Variants in EIF3B observed in about 807,000 individuals in gnomAD.
EIF3B encodes eukaryotic translation initiation factor 3 subunit B, also known as eukaryotic translation initiation factor 3 subunit 9.
Under a neutral mutation model 104.6 loss-of-function variants are expected in EIF3B, and 10 were observed. The observed-to-expected ratio is 0.10, with a 90% confidence interval of 0.06 to 0.16. The LOEUF (loss-of-function observed/expected upper bound fraction) is 0.16. Ranked by LOEUF, EIF3B falls within the 10% of genes least tolerant of loss-of-function variation. The pLI is 1.00. For synonymous variants in EIF3B, 542 were observed against 417.2 expected (o/e 1.30, Z -3.65); for missense variants, 1,014 against 1,087.9 (o/e 0.93, Z 0.96).
At chr7:2,367,824 AATTTTTT>A (rs1780110544) in intron 9 of EIF3B, among the ~76,000 whole-genome samples, 4 of 101,724 alleles carry the variant, frequency 3.9e-5, no homozygotes, top group African/African-American at 1.6e-4. Flanking sequence ...CTTTTTTTAA[AATTTTTT>A]TTTTTTTTTT....
Position 2,379,211 on chromosome 7 carries a change from G to A in EIF3B, c.2310G>A (p.Glu770=). 1 of 1,613,536 alleles carries A rather than the reference G, an allele frequency of 6.2e-7. No individual in the cohort carries two copies. Residue 770 remains glutamate, a synonymous_variant, in exon 17 of 19, where the codon GAG becomes GAA. Coordinates refer to ENST00000360876, the MANE Select transcript of EIF3B (RefSeq NM_001037283.2). ...AAATGGCCCAGGAGCTCTATATGGAGCAGAAAAACGAGCGCCTGGAGTTGC... is the reference window on the plus strand; with the variant it reads ...AAATGGCCCAGGAGCTCTATATGGAACAGAAAAACGAGCGCCTGGAGTTGC... The part of the protein sequence containing the change: ...YRKMAQELYM[E]QKNERLELRG...
intron 3 of EIF3B, 81 bp downstream of exon 3, chr7:2,362,845 G>T: frequency 1.5e-5 from 23 of 1,585,068 alleles, no homozygotes; most frequent in Non-Finnish European, 1.9e-5. Context: ...GTGCTTCTCG[G>T]TGCTGGTGTC....
intron 9 of EIF3B, among the ~76,000 whole-genome samples, 178 bp from the exon 10 acceptor site, chr7:2,369,294 G>A (rs1490317058): frequency 6.6e-6 from 1 of 152,202 alleles, no homozygotes; most frequent in Non-Finnish European, 1.5e-5. Context: ...GGGTCCTGGC[G>A]AGGACCTATG....
chr7:2,358,166 C>T (rs1325817539), intron 1 of EIF3B, among the ~76,000 whole-genome samples: 1 of 152,148 alleles, frequency 6.6e-6, no homozygotes, highest in Non-Finnish European at 1.5e-5. Flanking sequence ...TCACCGCAGC[C>T]TCTGCCTCCC....
chr7:2,365,988 A>AT (rs533793857), intron 6 of EIF3B, among the ~76,000 whole-genome samples: 46 of 152,100 alleles, frequency 3.0e-4, no homozygotes, highest in Middle Eastern at 3.4e-3. Flanking sequence ...GCCCAGCCGT[A>AT]TTTTTTTAAC....
At chr7:2,379,077 C>A in intron 16 of EIF3B, 57 bp from the exon 17 acceptor site, 1 of 1,501,690 alleles carries the variant, frequency 6.7e-7, no homozygotes, top group Non-Finnish European at 9.2e-7. Context: ...GTGGGCTCTT[C>A]GCGATGGGGA....
At chr7:2,363,569 AGTT>A in intron 4 of EIF3B, 60 bp from the exon 5 acceptor site, 2 of 1,451,088 alleles carry the variant, frequency 1.4e-6, no homozygotes, top group South Asian at 2.5e-5. Flanking sequence ...TAAGAGCAAT[AGTT>A]GTGAATGAGT....
intron 1 of EIF3B, 90 bp from the exon 2 acceptor site, chr7:2,360,603 TTTAGACAATTCATTGTC>T: frequency 1.1e-6 from 1 of 913,598 alleles, no homozygotes; most frequent in South Asian, 1.9e-5. Context: ...AGTGAAAGCA[TTTAGACAATTCATTGTC>T]TCTTCTTGAA....
intron 1 of EIF3B, among the ~76,000 whole-genome samples, chr7:2,356,600 C>A (rs1320387979): frequency 8.6e-6 from 1 of 116,408 alleles, no homozygotes; most frequent in African/African-American, 3.5e-5. Flanking sequence ...AAGACTCCGT[C>A]TCAAAAAAAA....
chr7:2,354,756 T>G, upstream of EIF3B: 16 of 521,290 alleles, frequency 3.1e-5, no homozygotes, highest in Non-Finnish European at 3.8e-5. Flanking sequence ...CTCAGGGTCG[T>G]TCGTGAGGCC....
chr7:2,361,692 T>C (rs747538107), intron 2 of EIF3B, among the ~76,000 whole-genome samples: 2 of 152,160 alleles, frequency 1.3e-5, no homozygotes, highest in Non-Finnish European at 2.9e-5. Flanking sequence ...GTGCTGGGAT[T>C]ACAGGCCTGA....
intron 13 of EIF3B, chr7:2,374,815 C>T (rs1444047262): frequency 2.4e-5 from 11 of 456,352 alleles, no homozygotes; most frequent in Non-Finnish European, 3.5e-5. Context: ...GTGAAATAAG[C>T]GCTCCCAGAT....
At position 2,378,422 on chromosome 7, in the gene EIF3B, G is replaced by A. The variant is rs1269188824; in HGVS notation, c.2155-267G>A. 8.1e-5 allele frequency: 23 copies of A among 283,452 alleles called. No homozygotes were observed. The East Asian group carries it at 1.5e-3, about 18-fold the overall frequency. 17.6% of individuals were successfully genotyped at this position (283,452 alleles called of 1,614,324 possible). On this transcript the variant is annotated intron_variant, in intron 15 of 18. Coordinates refer to ENST00000360876, the MANE Select transcript of EIF3B (RefSeq NM_001037283.2). ...GTGAATGACCCTGGGTGTCATGGAGGAAGGAGCAGGCGCGAGCGCTCCTGG... is the reference window on the plus strand; with the variant it reads ...GTGAATGACCCTGGGTGTCATGGAGAAAGGAGCAGGCGCGAGCGCTCCTGG...
At chr7:2,375,203 AC>A in intron 13 of EIF3B, 185 bp from the exon 14 acceptor site, 1 of 643,386 alleles carries the variant, frequency 1.6e-6, no homozygotes, top group Admixed American at 2.7e-5. Context: ...TGTAATACTC[AC>A]TGCACACTCT....
intron 2 of EIF3B, 106 bp downstream of exon 2, chr7:2,361,008 G>A (rs553261938): frequency 2.3e-5 from 21 of 907,946 alleles, no homozygotes; most frequent in South Asian, 3.6e-5. Flanking sequence ...GCCCAGGCAC[G>A]TGGGCCGTTC....
At chr7:2,365,096 G>A (rs1219837602) in intron 6 of EIF3B, among the ~76,000 whole-genome samples, 1 of 152,228 alleles carries the variant, frequency 6.6e-6, no homozygotes, top group East Asian at 1.9e-4. Context: ...GGGACCGCAG[G>A]CACACGCCAT....
At position 2,367,830 on chromosome 7, in the gene EIF3B, T is replaced by A. The variant is rs1220480974; in HGVS notation, c.1403+785T>A. 4.0e-4 allele frequency among the ~76,000 whole-genome samples: 15 copies of A among 37,586 alleles called. No individual in the cohort carries two copies. In the South Asian group the frequency reaches 5.1e-3, roughly 13 times the overall value. 24.7% of individuals were successfully genotyped at this position (37,586 alleles called of 152,430 possible). A position where few individuals can be genotyped will look rare whatever the true frequency, so the allele number is the denominator to read the frequency against. On this transcript the variant is annotated intron_variant, in intron 9 of 18. Coordinates refer to ENST00000360876, the MANE Select transcript of EIF3B (RefSeq NM_001037283.2). ...GAGTTTGTTCTTTTTTTAAAATTTT[T>A]TTTTTTTTTTTTTTTTTTTTTTTTT... is the stretch of plus-strand genomic sequence containing the variant.
Position 2,377,049 on chromosome 7 carries a change from A to G in EIF3B, c.2128A>G (p.Thr710Ala). The G allele has an allele frequency of 6.2e-7, 1 of 1,613,584 alleles. No individual in the cohort carries two copies. The highest frequency in any genetic ancestry group is 1.7e-4 in the Middle Eastern group (1 of 6,060). Residue 710 changes from threonine (T) to alanine (A), a missense_variant, in exon 15 of 19, where the codon ACA (threonine) becomes GCA (alanine). By Grantham distance (58) the Thr-to-Ala change is moderately conservative (BLOSUM62 0). Transcript: ENST00000360876. Reference sequence around the variant, plus strand: ...GCTGCTGTGGCGGCCCCGGCCTCCCACACTCCTGAGCCAGGAACAGATCAA... The same window carrying G: ...GCTGCTGTGGCGGCCCCGGCCTCCCGCACTCCTGAGCCAGGAACAGATCAA... ...CQLLWRPRPPTLLSQEQIKQI... is the reference protein window; with the variant it reads ...CQLLWRPRPPALLSQEQIKQI...
intron 10 of EIF3B, 21 bp downstream of exon 10, chr7:2,369,703 ACTGACGATTC>A (rs1434657369): frequency 1.9e-6 from 3 of 1,610,214 alleles, no homozygotes; most frequent in Admixed American, 1.7e-5. Context: ...TCCCACAGGA[ACTGACGATTC>A]CTTATCCTGA....
Sources: gnomAD v4.1 joint callset for allele counts (sites outside exome capture counted in the v4.1 genomes callset) on GRCh38, gnomAD v4.1.1 for gene constraint, MANE v1.5 for transcripts, NCBI Gene and HGNC (gene_info 2026-07-23, HGNC 2026-07-21) for gene names.